Variants in SDK2 observed in about 807,000 individuals in gnomAD.
SDK2 encodes sidekick cell adhesion molecule 2.
Under a neutral mutation model 253.9 loss-of-function variants are expected in SDK2, and 105 were observed. The ratio of observed to expected loss-of-function variants is 0.41; its 90% confidence interval spans 0.35 to 0.49. The LOEUF (loss-of-function observed/expected upper bound fraction) is 0.49. SDK2 is among the 20% of genes least tolerant of loss of function. The pLI, the probability that SDK2 is intolerant of heterozygous loss-of-function variation, is 0.06. For missense variants in SDK2, 2,608 were observed against 3,003.0 expected, an observed-to-expected ratio of 0.87 and a Z score of 3.07; for synonymous variants, 1,249 against 1,234.9, an observed-to-expected ratio of 1.01 and a Z score of -0.24.
chr17:73,340,738 T>G (rs867454810), intron 44 of SDK2, among the ~76,000 whole-genome samples: 51 of 106,556 alleles, frequency 4.8e-4, no homozygotes, highest in Middle Eastern at 4.0e-3. Flanking sequence ...CTTAAAGTTT[T>G]TTTTTTTTTT....
chr17:73,380,241 T>C (rs575897434), intron 34 of SDK2, among the ~76,000 whole-genome samples: 38 of 152,268 alleles, frequency 2.5e-4, no homozygotes, highest in African/African-American at 8.7e-4. Flanking sequence ...CACCCTTGCC[T>C]AGCTGTCTAT....
At chr17:73,366,392 G>A (rs965105807) in intron 37 of SDK2, among the ~76,000 whole-genome samples, 3 of 152,152 alleles carry the variant, frequency 2.0e-5, no homozygotes, top group Non-Finnish European at 4.4e-5. Context: ...GCTCATTCTG[G>A]CCACCGTCAG....
chr17:73,350,736 A>G lies in SDK2; in HGVS notation c.5813T>C (p.Leu1938Pro). Residue 1938 changes from leucine to proline, a missense_variant, in exon 42 of 45, where the codon CTG (leucine) becomes CCG (proline). Transcript: ENST00000392650. ...AAGCAGGATGAAGATGAGGCCGACC[A>G]GGGCAATGACCACCAAGAACCACCA... ...EEWWFLVVIA[L>P]VGLIFILLLV... 2 of 1,613,458 alleles carry G rather than the reference A, an allele frequency of 1.2e-6. No homozygotes were observed. The highest frequency in any genetic ancestry group is 1.1e-5 in the South Asian group (1 of 91,028).
intron 1 of SDK2, among the ~76,000 whole-genome samples, chr17:73,593,343 G>A (rs73998934): frequency 0.015 from 2,306 of 152,276 alleles, 23 homozygotes; most frequent in Middle Eastern, 0.068. Context: ...GAGAATGAAG[G>A]AGCCTCAGCA....
At chr17:73,549,230 G>A (rs992556063) in intron 1 of SDK2, among the ~76,000 whole-genome samples, 3 of 152,206 alleles carry the variant, frequency 2.0e-5, no homozygotes, top group African/African-American at 7.2e-5. Context: ...AAGGAGAGAG[G>A]AGTGGGAAGA....
At chr17:73,464,655 C>T (rs2063585338) in intron 3 of SDK2, among the ~76,000 whole-genome samples, 1 of 152,202 alleles carries the variant, frequency 6.6e-6, no homozygotes, top group African/African-American at 2.4e-5. Context: ...GCCTCAGGGC[C>T]TTTGCACCTG....
At chr17:73,555,499 A>C (rs1353218465) in intron 1 of SDK2, among the ~76,000 whole-genome samples, 1 of 152,240 alleles carries the variant, frequency 6.6e-6, no homozygotes, top group Non-Finnish European at 1.5e-5. Context: ...GGGCTGGCCC[A>C]AGGTTGCTCA....
At chr17:73,388,994 C>CTTCCCT (rs2062903655) in intron 29 of SDK2, among the ~76,000 whole-genome samples, 1 of 135,140 alleles carries the variant, frequency 7.4e-6, no homozygotes, top group African/African-American at 2.8e-5. Context: ...TCCCCTTCCC[C>CTTCCCT]TCCTTCCTTT....
intron 1 of SDK2, among the ~76,000 whole-genome samples, chr17:73,545,531 C>A (rs536781227): frequency 6.6e-6 from 1 of 152,164 alleles, no homozygotes; most frequent in Non-Finnish European, 1.5e-5. Context: ...GCTAAACATG[C>A]CCTGCCGCAA....
intron 1 of SDK2, among the ~76,000 whole-genome samples, chr17:73,577,055 C>G (rs541178783): frequency 1.3e-5 from 2 of 152,294 alleles, no homozygotes; most frequent in East Asian, 3.9e-4. Flanking sequence ...GGAAGCATGT[C>G]CCCTATGGGA....
At chr17:73,581,666 T>C (rs1231467891) in intron 1 of SDK2, among the ~76,000 whole-genome samples, 1 of 152,174 alleles carries the variant, frequency 6.6e-6, no homozygotes, top group African/African-American at 2.4e-5. Context: ...GGCAACACTC[T>C]CGGAATGCCA....
chr17:73,428,105 G>A (rs1431515498), intron 12 of SDK2, among the ~76,000 whole-genome samples: 1 of 152,186 alleles, frequency 6.6e-6, no homozygotes, highest in Non-Finnish European at 1.5e-5. Context: ...TACATCATAT[G>A]TCATTAGGGA....
intron 18 of SDK2, among the ~76,000 whole-genome samples, chr17:73,405,829 C>A (rs1464701936): frequency 6.6e-6 from 1 of 151,448 alleles, no homozygotes; most frequent in African/African-American, 2.4e-5. Context: ...ACGCCATTCT[C>A]CTGCCTCAGC....
chr17:73,391,120 G>A (rs2062924712), intron 28 of SDK2, among the ~76,000 whole-genome samples: 1 of 152,244 alleles, frequency 6.6e-6, no homozygotes, highest in African/African-American at 2.4e-5. Context: ...GAGCCTGCCA[G>A]CGTGCCCTCA....
At chr17:73,574,671 C>T (rs1335383456) in intron 1 of SDK2, among the ~76,000 whole-genome samples, 2 of 152,202 alleles carry the variant, frequency 1.3e-5, no homozygotes, top group Non-Finnish European at 2.9e-5. Flanking sequence ...CCAAGGCAAG[C>T]TCTAAATGCC....
chr17:73,360,051 A>T (rs1307745046), intron 39 of SDK2, among the ~76,000 whole-genome samples: 1 of 152,178 alleles, frequency 6.6e-6, no homozygotes, highest in Non-Finnish European at 1.5e-5. Flanking sequence ...CTCAGGATAG[A>T]ACAGCCTGTC....
intron 3 of SDK2, among the ~76,000 whole-genome samples, chr17:73,462,697 A>G (rs935529442): frequency 1.3e-5 from 2 of 152,100 alleles, no homozygotes; most frequent in Non-Finnish European, 2.9e-5. Flanking sequence ...GTATGCATAC[A>G]CGTAAGTTTA....
intron 24 of SDK2, among the ~76,000 whole-genome samples, chr17:73,396,433 C>T (rs1435969641): frequency 1.3e-5 from 2 of 152,076 alleles, no homozygotes; most frequent in Admixed American, 6.5e-5. Context: ...CTCTGGAGGG[C>T]CCTTGGTCCA....
intron 43 of SDK2, among the ~76,000 whole-genome samples, chr17:73,349,832 C>T (rs756402691): frequency 6.6e-5 from 10 of 152,120 alleles, no homozygotes; most frequent in African/African-American, 2.2e-4. Context: ...GCTCGGTCTG[C>T]GTTGGCTGGG....
Sources: allele counts gnomAD v4.1 joint callset (sites outside exome capture counted in the v4.1 genomes callset), GRCh38; gene constraint gnomAD v4.1.1; transcripts MANE v1.5; gene names NCBI Gene and HGNC (gene_info 2026-07-23, HGNC 2026-07-21).